Variants in RORB observed in about 807,000 individuals in gnomAD.
RORB encodes RAR related orphan receptor B.
In RORB, 6 loss-of-function variants were observed where a neutral mutation model predicts 59.1. The observed-to-expected ratio is 0.10, with a 90% CI of 0.06 to 0.20. The LOEUF (loss-of-function observed/expected upper bound fraction) is 0.20, where lower values mean the gene tolerates loss of function less well. RORB is among the 10% of genes least tolerant of loss of function. The pLI is 1.00. For synonymous variants in RORB, 215 were observed against 204.5 expected (o/e 1.05, Z -0.44); for missense variants, 320 against 560.5 (o/e 0.57, Z 4.33).
chr9:74,616,228 T>A (rs1587386765), intron 1 of RORB, among the ~76,000 whole-genome samples: 1 of 152,188 alleles, frequency 6.6e-6, no homozygotes, highest in East Asian at 1.9e-4. Context: ...TTGGAGCACT[T>A]GTTTTAAGAA....
chr9:74,541,209 G>A (rs1826400428), intron 1 of RORB, among the ~76,000 whole-genome samples: 1 of 147,514 alleles, frequency 6.8e-6, no homozygotes, highest in Non-Finnish European at 1.5e-5. Flanking sequence ...GAACCTTGGA[G>A]GTGGAGGTTG....
In RORB at chr9:74,662,542, T is replaced by C. The variant is rs748179624; in HGVS notation, c.828T>C (p.Phe276=). 1 of 1,614,178 alleles carries C rather than the reference T, an allele frequency of 6.2e-7. No individual in the cohort carries two copies. The highest frequency in any genetic ancestry group is 8.5e-7 in the Non-Finnish European group (1 of 1,180,012). The change falls in exon 6 of 10, where the codon TTT becomes TTC. Residue 276 remains phenylalanine (F), a synonymous_variant. Coordinates refer to ENST00000376896, the MANE Select transcript of RORB (RefSeq NM_006914.4). ...ACGCCATCCAATACGTGGTGGAGTTTGCAAAGCGGATAACAGGCTTCATGG... is the reference window on the plus strand; with the variant it reads ...ACGCCATCCAATACGTGGTGGAGTTCGCAAAGCGGATAACAGGCTTCATGG... The part of the protein sequence containing the change: ...ITHAIQYVVE[F]AKRITGFMEL...
chr9:74,510,703 C>G (rs1825925677), intron 1 of RORB, among the ~76,000 whole-genome samples: 1 of 152,002 alleles, frequency 6.6e-6, no homozygotes, highest in Admixed American at 6.6e-5. Context: ...TAAAAGAGTG[C>G]TTTTTAAACA....
chr9:74,592,694 T>A (rs931159990), intron 1 of RORB, among the ~76,000 whole-genome samples: 2 of 152,326 alleles, frequency 1.3e-5, no homozygotes, highest in Non-Finnish European at 2.9e-5. Context: ...TCACAGGTAC[T>A]ATCAAAATTT....
intron 1 of RORB, among the ~76,000 whole-genome samples, chr9:74,551,454 A>G (rs1826606261): frequency 6.6e-6 from 1 of 152,244 alleles, no homozygotes; most frequent in African/African-American, 2.4e-5. Flanking sequence ...CAGCACGGAT[A>G]CAGTGGACAA....
chr9:74,557,958 G>A (rs1429980822), intron 1 of RORB, among the ~76,000 whole-genome samples: 3 of 151,978 alleles, frequency 2.0e-5, no homozygotes, highest in East Asian at 1.9e-4. Flanking sequence ...CTTAAGATAC[G>A]ACAACCAATT....
chr9:74,617,805 T>G (rs1823337342), intron 1 of RORB, among the ~76,000 whole-genome samples: 1 of 152,180 alleles, frequency 6.6e-6, no homozygotes, highest in Non-Finnish European at 1.5e-5. Flanking sequence ...GAGAATACTT[T>G]CCTTTAAATT....
At chr9:74,582,260 G>A (rs2118260474) in intron 1 of RORB, among the ~76,000 whole-genome samples, 1 of 152,280 alleles carries the variant, frequency 6.6e-6, no homozygotes, top group Non-Finnish European at 1.5e-5. Context: ...GAAATTATGA[G>A]CCAGTAAACC....
Position 74,665,502 on chromosome 9 carries a change from GT to G in RORB, c.911del (p.Leu304Ter). ...LLLKSGCLEV[V>X]LVRMCRAFNP... is the part of the protein sequence containing the mutation. ...TTTACTCATAGGTTGCTTGGAAGTGGTTTTAGTGAGAATGTGCCGTGCCTTC... is the reference window on the plus strand; with the variant it reads ...TTTACTCATAGGTTGCTTGGAAGTGGTTTAGTGAGAATGTGCCGTGCCTTC... On this transcript the variant is annotated frameshift_variant, in exon 7 of 10. Coordinates refer to ENST00000376896, the MANE Select transcript of RORB (RefSeq NM_006914.4). LOFTEE classifies it high-confidence loss of function. 1 of 1,604,840 alleles carries G rather than the reference GT, an allele frequency of 6.2e-7. No individual in the cohort carries two copies. Among genetic ancestry groups the G allele is most frequent in the Non-Finnish European group, 8.5e-7 (1 of 1,174,256 alleles).
intron 1 of RORB, among the ~76,000 whole-genome samples, chr9:74,611,120 G>A (rs923468915): frequency 1.3e-5 from 2 of 152,138 alleles, no homozygotes; most frequent in Non-Finnish European, 2.9e-5. Context: ...TAAGCACTAC[G>A]TTAGTGTGAA....
intron 4 of RORB, among the ~76,000 whole-genome samples, chr9:74,643,771 T>C (rs1170930782): frequency 1.3e-5 from 2 of 152,196 alleles, no homozygotes; most frequent in African/African-American, 2.4e-5. Context: ...AAGGGCTCTT[T>C]ACATTTCTTC....
intron 9 of RORB, among the ~76,000 whole-genome samples, chr9:74,684,886 T>C (rs934029568): frequency 6.6e-6 from 1 of 152,180 alleles, no homozygotes; most frequent in African/African-American, 2.4e-5. Flanking sequence ...TCCCTAAATA[T>C]TGTCACCTTC....
In RORB at chr9:74,676,794, C is replaced by T. The variant is rs1243436560; in HGVS notation, c.1224+4893C>T. 5.3e-5 allele frequency among the ~76,000 whole-genome samples: 8 copies of T among 152,378 alleles called. No homozygotes were observed. The East Asian group carries it at 1.2e-3, about 22-fold the overall frequency. On this transcript the variant is annotated intron_variant, in intron 9 of 9. Coordinates refer to ENST00000376896, the MANE Select transcript of RORB (RefSeq NM_006914.4). ...CTCTTTTCCCGTTATTCTTCCTAAG[C>T]TCCTGCTAACCATGTAGATGTCCTA...
chr9:74,664,196 T>C (rs1824232933), intron 6 of RORB, among the ~76,000 whole-genome samples: 1 of 152,196 alleles, frequency 6.6e-6, no homozygotes, highest in Non-Finnish European at 1.5e-5. Context: ...GAATTCCAAA[T>C]TTAGAATTGC....
At chr9:74,607,406 T>A (rs1307202635) in intron 1 of RORB, among the ~76,000 whole-genome samples, 2 of 152,178 alleles carry the variant, frequency 1.3e-5, no homozygotes, top group Non-Finnish European at 2.9e-5. Context: ...CCACTTTACA[T>A]AAGCCTAAGT....
intron 7 of RORB, among the ~76,000 whole-genome samples, chr9:74,667,492 A>G (rs73549418): frequency 1.3e-5 from 2 of 152,322 alleles, no homozygotes; most frequent in East Asian, 1.9e-4. Context: ...TTTCAAATTT[A>G]TAAGGATGTA....
Position 74,623,344 on chromosome 9 carries a change from T to G in RORB, c.8-6938T>G, listed in dbSNP as rs563767069. The stretch of plus-strand genomic sequence containing the variant: ...CATTAAATCTGCAAAGGAAGCCTGG[T>G]ACACTGGGTGTTAATTACAGTAACG... On this transcript the variant is annotated intron_variant, in intron 1 of 9. Transcript: ENST00000376896. 6.6e-4 allele frequency among the ~76,000 whole-genome samples: 101 copies of G among 152,280 alleles called. 3 individuals carry two copies. In the South Asian group the frequency reaches 0.021, roughly 31 times the overall value.
intron 9 of RORB, among the ~76,000 whole-genome samples, chr9:74,672,121 T>A (rs573437607): frequency 6.6e-6 from 1 of 152,186 alleles, no homozygotes; most frequent in African/African-American, 2.4e-5. Flanking sequence ...CAGATCTGAA[T>A]CCAAGCTTCA....
At chr9:74,675,666 C>T (rs1824425626) in intron 9 of RORB, among the ~76,000 whole-genome samples, 1 of 152,132 alleles carries the variant, frequency 6.6e-6, no homozygotes, top group African/African-American at 2.4e-5. Context: ...TAGTTGAGGA[C>T]GATACTCCAG....
Sources: gnomAD v4.1 joint callset for allele counts (sites outside exome capture counted in the v4.1 genomes callset) on GRCh38, gnomAD v4.1.1 for gene constraint, MANE v1.5 for transcripts, NCBI Gene and HGNC (gene_info 2026-07-23, HGNC 2026-07-21) for gene names.